The following CA2 variants were observed in gnomAD, a reference collection of about 807,000 sequenced individuals.
CA2 encodes carbonate dehydratase II.
In CA2, 23 loss-of-function variants were observed where a neutral mutation model predicts 27.8. That is an observed-to-expected ratio of 0.83 (90% CI 0.59 to 1.17). CA2 has a LOEUF of 1.17. Among genes scored for constraint, CA2 ranks in the 50% most tolerant of loss-of-function variants. The probability of loss-of-function intolerance (pLI) is 0.00; values close to 1 mark genes in which losing one functional copy is unlikely to be tolerated. For missense variants in CA2, 300 were observed against 314.7 expected (o/e 0.95, Z 0.35); for synonymous variants, 99 against 114.9 (o/e 0.86, Z 0.88).
At chr8:85,464,582 C>T (rs1196283106) in intron 1 of CA2, 1 of 156,696 alleles carries the variant, frequency 6.4e-6, no homozygotes, top group African/African-American at 2.4e-5. Flanking sequence ...TCAGCACCAC[C>T]TGTGGCTAAG....
At chr8:85,475,220 A>G (rs544884273) in intron 4 of CA2, among the ~76,000 whole-genome samples, 1 of 151,964 alleles carries the variant, frequency 6.6e-6, no homozygotes, top group South Asian at 2.1e-4. Context: ...CAAAAACACA[A>G]AATTAGCTGG....
intron 4 of CA2, 144 bp downstream of exon 4, chr8:85,474,560 T>C (rs915702707): frequency 1.4e-6 from 1 of 718,732 alleles, no homozygotes; most frequent in Admixed American, 2.1e-5. Context: ...TCTCCTCCTT[T>C]CATATCTGCT....
rs1212450458 is a variant in CA2, at chr8:85,481,436, T to C, written c.*647T>C. 1 of 152,312 alleles carries C rather than the reference T, an allele frequency of 6.6e-6. No homozygotes were observed. Among genetic ancestry groups the C allele is most frequent in the Non-Finnish European group, 1.5e-5 (1 of 68,056 alleles). 9.4% of individuals were successfully genotyped at this position (152,312 alleles called of 1,614,324 possible). A position where few individuals can be genotyped will look rare whatever the true frequency, so the allele number is the denominator to read the frequency against. ...AGTATATTTCCATTCAGACAATATA[T>C]CATAACTTAATAAATATTGTATTTT... On this transcript the variant is annotated 3_prime_UTR_variant, in exon 7 of 7. Coordinates refer to ENST00000285379, the MANE Select transcript of CA2 (RefSeq NM_000067.3).
chr8:85,470,036 C>A (rs1386929686), intron 2 of CA2, among the ~76,000 whole-genome samples: 1 of 152,102 alleles, frequency 6.6e-6, no homozygotes, highest in African/African-American at 2.4e-5. Flanking sequence ...GTCAGCCGAA[C>A]CTTAAATATC....
chr8:85,471,969 C>T (rs1811719497), intron 2 of CA2, among the ~76,000 whole-genome samples: 1 of 152,232 alleles, frequency 6.6e-6, no homozygotes, highest in South Asian at 2.1e-4. Flanking sequence ...TAACATAACA[C>T]CATTTATAAT....
intron 2 of CA2, among the ~76,000 whole-genome samples, chr8:85,473,216 G>A (rs1811735807): frequency 6.6e-6 from 1 of 152,030 alleles, no homozygotes; most frequent in South Asian, 2.1e-4. Context: ...CAGGCTGTAT[G>A]GCAGCAATCG....
In CA2 at chr8:85,464,261, G is replaced by T. The variant is rs1488184094; in HGVS notation, c.34+146G>T. ...CGGGGAGTGCTGGAGGCTCAGGTGC[G>T]CCCCGGGCGCTCGCTCCGCTCGCGG... On this transcript the variant is annotated intron_variant, in intron 1 of 6. Coordinates refer to ENST00000285379, the MANE Select transcript of CA2 (RefSeq NM_000067.3). 2.5e-5 allele frequency: 16 copies of T among 628,810 alleles called. No individual in the cohort carries two copies. The East Asian group carries it at 4.9e-4, about 19-fold the overall frequency. 39.0% of individuals were successfully genotyped at this position (628,810 alleles called of 1,614,324 possible).
Position 85,477,249 on chromosome 8 carries a change from G to A in CA2, c.637G>A (p.Glu213Lys). Reference sequence around the variant, plus strand: ...ATGTGTGACCTGGATTGTGCTCAAGGAACCCATCAGCGTCAGCAGCGAGCA... The same window carrying A: ...ATGTGTGACCTGGATTGTGCTCAAGAAACCCATCAGCGTCAGCAGCGAGCA... ...LECVTWIVLK[E>K]PISVSSEQVL... The change falls in exon 6 of 7, where the codon GAA becomes AAA. Residue 213 changes from glutamate to lysine, a missense_variant. Glu to Lys is a moderately conservative substitution (Grantham distance 56). Around this residue, in one of 3 missense-constraint regions of CA2, gnomAD observed 173 missense variants for 161.0 expected, o/e 1.07. Coordinates refer to ENST00000285379, the MANE Select transcript of CA2 (RefSeq NM_000067.3). 6.2e-7 allele frequency: 1 copy of A among 1,614,026 alleles called. No individual in the cohort carries two copies. The highest frequency in any genetic ancestry group is 1.3e-5 in the African/African-American group (1 of 75,016).
At chr8:85,480,319 C>T (rs529662308) in intron 6 of CA2, among the ~76,000 whole-genome samples, 267 of 152,214 alleles carry the variant, frequency 1.8e-3, no homozygotes, top group African/African-American at 6.0e-3. Flanking sequence ...AGTGCAGTGG[C>T]GCAATCTCAG....
intron 5 of CA2, 87 bp from the exon 6 acceptor site, chr8:85,477,033 G>A (rs1811811350): frequency 7.9e-6 from 10 of 1,266,130 alleles, no homozygotes; most frequent in Non-Finnish European, 1.2e-5. Flanking sequence ...TCAGAGGGGA[G>A]TATACCTATT....
At chr8:85,480,444 T>TG (rs1172843047) in intron 6 of CA2, among the ~76,000 whole-genome samples, 1 of 64,950 alleles carries the variant, frequency 1.5e-5, no homozygotes, top group Non-Finnish European at 3.5e-5. Flanking sequence ...TGTGTGTGTG[T>TG]GTTTTTTTTT....
At chr8:85,473,842 GA>G in intron 3 of CA2, 31 bp downstream of exon 3, 4 of 1,200,300 alleles carry the variant, frequency 3.3e-6, no homozygotes, top group Non-Finnish European at 5.0e-6. Flanking sequence ...TCTTTCCAGG[GA>G]AAAATGTTTA....
rs963311028 is a variant in CA2, at chr8:85,481,359, T to G, written c.*570T>G. 6.5e-6 allele frequency: 1 copy of G among 153,524 alleles called. No individual in the cohort carries two copies. The highest frequency in any genetic ancestry group is 2.4e-5 in the African/African-American group (1 of 41,472). 9.5% of individuals were successfully genotyped at this position (153,524 alleles called of 1,614,324 possible). On this transcript the variant is annotated 3_prime_UTR_variant, in exon 7 of 7. Coordinates refer to ENST00000285379, the MANE Select transcript of CA2 (RefSeq NM_000067.3). Reference sequence around the variant, plus strand: ...TTTAATGACTTTTGAATTACAGAGATATAAATGAAGTATTATCTGTAAAAA... The same window carrying G: ...TTTAATGACTTTTGAATTACAGAGAGATAAATGAAGTATTATCTGTAAAAA...
chr8:85,464,220 C>T, intron 1 of CA2, 105 bp downstream of exon 1: 2 of 1,081,900 alleles, frequency 1.8e-6, no homozygotes, highest in Non-Finnish European at 2.6e-6. Flanking sequence ...CCCGCACATG[C>T]TGTTTACCGC....
In CA2 at chr8:85,465,437, A is replaced by T; in HGVS notation, c.200A>T (p.Asn67Ile). ...ATCCTCAACAATGGTCATGCTTTCAACGTGGAGTTTGATGACTCTCAGGAC... is the reference window on the plus strand; with the variant it reads ...ATCCTCAACAATGGTCATGCTTTCATCGTGGAGTTTGATGACTCTCAGGAC... ...LRILNNGHAF[N>I]VEFDDSQDKA... Residue 67 changes from asparagine to isoleucine, a missense_variant, in exon 2 of 7, where the codon AAC (asparagine) becomes ATC (isoleucine). Transcript: ENST00000285379. 1 of 1,614,164 alleles carries T rather than the reference A, an allele frequency of 6.2e-7. No individual in the cohort carries two copies. The highest frequency in any genetic ancestry group is 8.5e-7 in the Non-Finnish European group (1 of 1,180,024).
At chr8:85,467,318 C>T (rs978546666) in intron 2 of CA2, among the ~76,000 whole-genome samples, 2 of 152,206 alleles carry the variant, frequency 1.3e-5, no homozygotes, top group African/African-American at 4.8e-5. Context: ...GCAACTAGCT[C>T]AGAGACTTTG....
intron 2 of CA2, among the ~76,000 whole-genome samples, chr8:85,469,900 A>G (rs927841479): frequency 1.3e-5 from 2 of 152,212 alleles, no homozygotes; most frequent in South Asian, 2.1e-4. Context: ...GGATCTTCAT[A>G]CATGGATCCT....
chr8:85,471,036 G>A (rs1811707005), intron 2 of CA2, among the ~76,000 whole-genome samples: 1 of 152,026 alleles, frequency 6.6e-6, no homozygotes, highest in African/African-American at 2.4e-5. Flanking sequence ...TTTAGAAAAT[G>A]GCATGTAGTC....
intron 4 of CA2, among the ~76,000 whole-genome samples, chr8:85,475,110 C>G (rs1174348444): frequency 1.3e-5 from 2 of 152,014 alleles, no homozygotes; most frequent in Non-Finnish European, 2.9e-5. Flanking sequence ...GAGCTCAAGA[C>G]CAGCCTGGGC....
Sources: gnomAD v4.1 joint callset for allele counts (sites outside exome capture counted in the v4.1 genomes callset) on GRCh38, gnomAD v4.1.1 for gene constraint, gnomAD v4.1.1 regional missense constraint, MANE v1.5 for transcripts, NCBI Gene and HGNC (gene_info 2026-07-23, HGNC 2026-07-21) for gene names.